The following MOXD1 variants were observed in gnomAD, a reference collection of about 807,000 sequenced individuals.
MOXD1 encodes DBH-like monooxygenase protein 1.
In MOXD1, 62 loss-of-function variants were observed where a neutral mutation model predicts 66.6. The observed-to-expected ratio is 0.93, with a 90% CI of 0.76 to 1.15. MOXD1 has a LOEUF of 1.15. Among genes scored for constraint, MOXD1 ranks in the 50% most tolerant of loss-of-function variants. The pLI is 0.00. For missense variants in MOXD1, 847 were observed against 754.6 expected (o/e 1.12, Z -1.44); for synonymous variants, 303 against 281.9 (o/e 1.07, Z -0.75).
chr6:132,314,136 G>T (rs1419855473), intron 10 of MOXD1, among the ~76,000 whole-genome samples: 7 of 152,120 alleles, frequency 4.6e-5, no homozygotes. Context: ...ATCCAAAACA[G>T]AATTCTCAAT....
intron 1 of MOXD1, chr6:132,390,521 A>G (rs982494369): frequency 6.6e-6 from 1 of 151,480 alleles, no homozygotes; most frequent in African/African-American, 2.4e-5. Context: ...TACCCCCACC[A>G]CCACAATACG....
At chr6:132,301,947 G>C (rs953190125) in intron 10 of MOXD1, among the ~76,000 whole-genome samples, 6 of 151,868 alleles carry the variant, frequency 4.0e-5, no homozygotes, top group Admixed American at 2.0e-4. Flanking sequence ...ATGCAGGAAA[G>C]GGAATTTCGA....
At chr6:132,397,683 AAAGAAAGAAAG>A (rs1404772149) in intron 1 of MOXD1, among the ~76,000 whole-genome samples, 1,434 of 140,126 alleles carry the variant, frequency 0.01, 11 homozygotes, top group Non-Finnish European at 0.013. Context: ...AGAAAGAAAG[AAAGAAAGAAAG>A]AAAGAAAAAG....
intron 4 of MOXD1, among the ~76,000 whole-genome samples, chr6:132,331,417 AG>A (rs2114589623): frequency 6.6e-6 from 1 of 152,274 alleles, no homozygotes; most frequent in African/African-American, 2.4e-5. Context: ...GAGGGAGTGA[AG>A]GGTGTGTGAT....
At chr6:132,386,837 T>G (rs1312656987) in intron 1 of MOXD1, among the ~76,000 whole-genome samples, 1 of 151,424 alleles carries the variant, frequency 6.6e-6, no homozygotes, top group Non-Finnish European at 1.5e-5. Context: ...AATGTATTCC[T>G]TATAGTAAGC....
chr6:132,388,461 A>C (rs1475600231), intron 1 of MOXD1, among the ~76,000 whole-genome samples: 1 of 151,376 alleles, frequency 6.6e-6, no homozygotes, highest in Non-Finnish European at 1.5e-5. Flanking sequence ...CATTCCTGGT[A>C]CCTCTAGAAG....
chr6:132,348,331 A>G (rs897618380), intron 4 of MOXD1, among the ~76,000 whole-genome samples: 1 of 152,172 alleles, frequency 6.6e-6, no homozygotes, highest in Non-Finnish European at 1.5e-5. Flanking sequence ...TTACTTTGCT[A>G]TTTATCTTCA....
At chr6:132,332,589 G>A (rs1775345861) in intron 4 of MOXD1, among the ~76,000 whole-genome samples, 1 of 152,132 alleles carries the variant, frequency 6.6e-6, no homozygotes, top group South Asian at 2.1e-4. Context: ...GACATAACTT[G>A]TTTAGTGGAG....
At chr6:132,297,630 T>C (rs574280790) in intron 11 of MOXD1, among the ~76,000 whole-genome samples, 157 bp downstream of exon 11, 1 of 152,304 alleles carries the variant, frequency 6.6e-6, no homozygotes, top group African/African-American at 2.4e-5. Context: ...ATGAGGAGTT[T>C]TCAGTCAATC....
chr6:132,299,620 A>G (rs1031361094), intron 10 of MOXD1, among the ~76,000 whole-genome samples: 1 of 152,142 alleles, frequency 6.6e-6, no homozygotes, highest in African/African-American at 2.4e-5. Flanking sequence ...AACTTGCTTG[A>G]AAAGATAGTT....
chr6:132,373,643 G>T (rs1224016665), intron 2 of MOXD1, among the ~76,000 whole-genome samples: 1 of 152,114 alleles, frequency 6.6e-6, no homozygotes, highest in Non-Finnish European at 1.5e-5. Context: ...AGATGAAATC[G>T]GTTTCCATTG....
intron 10 of MOXD1, among the ~76,000 whole-genome samples, chr6:132,310,965 G>T (rs895444883): frequency 3.4e-5 from 5 of 147,822 alleles, no homozygotes; most frequent in African/African-American, 1.3e-4. Flanking sequence ...CCCGTTTTTT[G>T]TTTGTTTGTT....
At chr6:132,376,982 C>T (rs879444852) in intron 1 of MOXD1, among the ~76,000 whole-genome samples, 26 of 152,148 alleles carry the variant, frequency 1.7e-4, no homozygotes, top group African/African-American at 3.6e-4. Flanking sequence ...GCTAGTAAAC[C>T]GAAAGGCAGG....
intron 4 of MOXD1, among the ~76,000 whole-genome samples, chr6:132,343,856 C>G (rs1240902631): frequency 6.6e-6 from 1 of 151,988 alleles, no homozygotes; most frequent in Non-Finnish European, 1.5e-5. Context: ...TCTATACATA[C>G]TGAAGGGGAA....
chr6:132,307,900 C>G (rs1347902640), intron 10 of MOXD1, among the ~76,000 whole-genome samples: 1 of 151,950 alleles, frequency 6.6e-6, no homozygotes, highest in Non-Finnish European at 1.5e-5. Context: ...CACTAAATCC[C>G]CACATCAGAA....
At chr6:132,334,963 A>G (rs149367085) in intron 4 of MOXD1, among the ~76,000 whole-genome samples, 54 of 152,348 alleles carry the variant, frequency 3.5e-4, no homozygotes, top group Non-Finnish European at 6.5e-4. Flanking sequence ...GTGACTGGGT[A>G]CAGAGATAAT....
At chr6:132,360,718 G>C (rs745779285) in intron 4 of MOXD1, among the ~76,000 whole-genome samples, 3 of 152,116 alleles carry the variant, frequency 2.0e-5, no homozygotes, top group Non-Finnish European at 4.4e-5. Context: ...AGACTGTGAG[G>C]TCTTTGGGCT....
chr6:132,399,333 C>T (rs951468), intron 1 of MOXD1, among the ~76,000 whole-genome samples: 100 of 151,954 alleles, frequency 6.6e-4, no homozygotes, highest in African/African-American at 2.1e-3. Flanking sequence ...TAAAAATGGA[C>T]GGGAAGTCCT....
intron 6 of MOXD1, among the ~76,000 whole-genome samples, chr6:132,324,830 C>T (rs1383579283): frequency 1.3e-5 from 2 of 151,896 alleles, no homozygotes; most frequent in African/African-American, 2.4e-5. Context: ...GATTCCTTCC[C>T]CTCAGTTTCC....
Sources: gnomAD v4.1 joint callset for allele counts (sites outside exome capture counted in the v4.1 genomes callset) on GRCh38, gnomAD v4.1.1 for gene constraint, MANE v1.5 for transcripts, NCBI Gene and HGNC (gene_info 2026-07-23, HGNC 2026-07-21) for gene names.